The following LAMA2 variants were observed in gnomAD, a reference collection of about 807,000 sequenced individuals.
LAMA2 encodes the protein laminin subunit alpha-2.
In LAMA2, 269 loss-of-function variants were observed where a neutral mutation model predicts 364.8. That is an observed-to-expected ratio of 0.74 (90% CI 0.67 to 0.82). The LOEUF (loss-of-function observed/expected upper bound fraction) is 0.82. Ranked by LOEUF, LAMA2 falls within the 40% of genes least tolerant of loss-of-function variation. The pLI is 0.00. For synonymous variants in LAMA2, 1,379 were observed against 1,370.6 expected (o/e 1.01, Z -0.14); for missense variants, 3,807 against 3,873.2 (o/e 0.98, Z 0.45).
intron 3 of LAMA2, among the ~76,000 whole-genome samples, chr6:129,090,808 G>A (rs546578313): frequency 3.3e-5 from 5 of 152,112 alleles, no homozygotes; most frequent in African/African-American, 9.6e-5. Flanking sequence ...TCTCTTTTTT[G>A]GGGATGTTTC....
At chr6:129,286,657 A>G (rs1467234037) in intron 18 of LAMA2, among the ~76,000 whole-genome samples, 4 of 65,330 alleles carry the variant, frequency 6.1e-5, no homozygotes, top group African/African-American at 3.2e-4. Context: ...ATATTTATAT[A>G]ATATATATAA....
chr6:128,961,318 G>GATAT (rs58772123), intron 1 of LAMA2, among the ~76,000 whole-genome samples: 618 of 57,340 alleles, frequency 0.011, 16 homozygotes, highest in Non-Finnish European at 0.015. Flanking sequence ...GAACTAATAT[G>GATAT]ATATATATAT....
At chr6:129,313,403 C>T (rs1207896829) in intron 23 of LAMA2, among the ~76,000 whole-genome samples, 1 of 152,064 alleles carries the variant, frequency 6.6e-6, no homozygotes, top group Non-Finnish European at 1.5e-5. Flanking sequence ...TAAGGACAAT[C>T]TGGGAGGGGT....
chr6:129,088,725 C>A (rs1002162424), intron 3 of LAMA2, among the ~76,000 whole-genome samples: 1 of 147,296 alleles, frequency 6.8e-6, no homozygotes, highest in African/African-American at 2.5e-5. Context: ...GGGCGGCTGC[C>A]GGGCAGAGGG....
chr6:129,291,453 A>G (rs992896187), intron 19 of LAMA2, among the ~76,000 whole-genome samples, 161 bp from the exon 20 acceptor site: 1 of 152,248 alleles, frequency 6.6e-6, no homozygotes, highest in African/African-American at 2.4e-5. Context: ...TGTTATAGGG[A>G]TTAAATGATA....
At chr6:129,031,305 A>G (rs1193621972) in intron 1 of LAMA2, among the ~76,000 whole-genome samples, 2 of 152,198 alleles carry the variant, frequency 1.3e-5, no homozygotes, top group Admixed American at 6.5e-5. Context: ...TTTTTCATGC[A>G]ACACTCATTC....
At chr6:129,461,021 A>G (rs1783227254) in intron 49 of LAMA2, among the ~76,000 whole-genome samples, 1 of 152,036 alleles carries the variant, frequency 6.6e-6, no homozygotes, top group African/African-American at 2.4e-5. Flanking sequence ...AAACACTTTT[A>G]TATAAAAATG....
intron 12 of LAMA2, among the ~76,000 whole-genome samples, chr6:129,243,444 T>C (rs1785521466): frequency 1.3e-5 from 2 of 151,968 alleles, no homozygotes; most frequent in African/African-American, 2.4e-5. Flanking sequence ...ATAAATATTG[T>C]CTAGGCTGTA....
rs1397287698 is a variant in LAMA2 at position 129,038,544 on chromosome 6, C to T, written c.113-11374C>T. 4.6e-5 allele frequency among the ~76,000 whole-genome samples: 7 copies of T among 152,274 alleles called. No individual in the cohort carries two copies. The East Asian group carries it at 1.3e-3, about 29-fold the overall frequency. On this transcript the variant is annotated intron_variant, in intron 1 of 64. Coordinates refer to ENST00000421865, the MANE Select transcript of LAMA2 (RefSeq NM_000426.4). ...TCAAGGTCATCCCTAGGTTTTGATA[C>T]CTGTACAGAATAGTCATTGCTTACT... is the stretch of plus-strand genomic sequence containing the variant.
chr6:129,268,266 G>T (rs1417855799), intron 16 of LAMA2, among the ~76,000 whole-genome samples: 1 of 151,948 alleles, frequency 6.6e-6, no homozygotes, highest in Non-Finnish European at 1.5e-5. Context: ...GTGGATTTTT[G>T]AAATGACATT....
chr6:129,203,310 T>G (rs9492272), intron 12 of LAMA2, among the ~76,000 whole-genome samples: 60,104 of 152,158 alleles, frequency 0.4, 15,110 homozygotes, highest in African/African-American at 0.72. Flanking sequence ...GAACTATCTG[T>G]ATCCAGTGGA....
intron 4 of LAMA2, among the ~76,000 whole-genome samples, chr6:129,116,999 C>CAAAAT (rs765237305): frequency 2.6e-5 from 4 of 151,882 alleles, no homozygotes; most frequent in African/African-American, 9.7e-5. Context: ...TTTCACTGAA[C>CAAAAT]AAAATAAAAT....
At position 128,970,672 on chromosome 6, in the gene LAMA2, T is replaced by C. The variant is rs1782135371; in HGVS notation, c.113-79246T>C. 3.9e-5 allele frequency among the ~76,000 whole-genome samples: 6 copies of C among 152,244 alleles called. No homozygotes were observed. In the South Asian group the frequency reaches 1.2e-3, roughly 32 times the overall value. On this transcript the variant is annotated intron_variant, in intron 1 of 64. Transcript: ENST00000421865. ...AAAATTCAATTGTGGAAAATCATAT[T>C]CTAACTTATTCTGATGAAGTAGTTC...
intron 56 of LAMA2, 61 bp downstream of exon 56, chr6:129,486,683 G>T: frequency 6.8e-7 from 1 of 1,478,922 alleles, no homozygotes. Flanking sequence ...TGCTAGCATC[G>T]GTATCTATCA....
intron 35 of LAMA2, among the ~76,000 whole-genome samples, chr6:129,386,290 C>T (rs1779010952): frequency 6.6e-6 from 1 of 151,948 alleles, no homozygotes; most frequent in Admixed American, 6.6e-5. Context: ...ACACATTCAT[C>T]TTTAAGAATG....
intron 4 of LAMA2, among the ~76,000 whole-genome samples, chr6:129,133,707 A>G (rs1777624290): frequency 6.6e-6 from 1 of 152,224 alleles, no homozygotes; most frequent in African/African-American, 2.4e-5. Context: ...AGTCTCTGAC[A>G]TCTTGAGTTT....
At chr6:128,974,863 T>A (rs963785734) in intron 1 of LAMA2, among the ~76,000 whole-genome samples, 6 of 151,908 alleles carry the variant, frequency 3.9e-5, no homozygotes, top group Non-Finnish European at 8.8e-5. Context: ...ATTTTTTTTT[T>A]TTTTTTGAGA....
Position 129,475,371 on chromosome 6 carries a change from C to A in LAMA2, c.7440-19C>A. 7.4e-7 allele frequency: 1 copy of A among 1,351,122 alleles called. No homozygotes were observed. The highest frequency in any genetic ancestry group is 1.4e-5 in the South Asian group (1 of 72,786). 83.7% of individuals were successfully genotyped at this position (1,351,122 alleles called of 1,614,324 possible). On this transcript the variant is annotated intron_variant, in intron 52 of 64. Transcript: ENST00000421865. ...TTGTTTTTATTTTTGTTTTTTTTTTCCTCTTTCCCGTTATCTAGTATGAAA... is the reference window on the plus strand; with the variant it reads ...TTGTTTTTATTTTTGTTTTTTTTTTACTCTTTCCCGTTATCTAGTATGAAA...
chr6:129,019,467 C>G (rs1329574836), intron 1 of LAMA2, among the ~76,000 whole-genome samples: 4 of 151,206 alleles, frequency 2.6e-5, no homozygotes, highest in African/African-American at 9.7e-5. Context: ...TTTTGTTTCT[C>G]TTTTGTGGGT....
Sources: gnomAD v4.1 joint callset for allele counts (sites outside exome capture counted in the v4.1 genomes callset) on GRCh38, gnomAD v4.1.1 for gene constraint, MANE v1.5 for transcripts, NCBI Gene and HGNC (gene_info 2026-07-23, HGNC 2026-07-21) for gene names.